The following HS3ST2 variants were observed in gnomAD, a reference collection of about 807,000 sequenced individuals.
The protein encoded by HS3ST2 is heparan sulfate-glucosamine 3-sulfotransferase 2.
Under a neutral mutation model 26.3 loss-of-function variants are expected in HS3ST2, and 17 were observed. That is an observed-to-expected ratio of 0.65 (90% CI 0.44 to 0.97). The LOEUF (loss-of-function observed/expected upper bound fraction) is 0.97, where lower values mean the gene tolerates loss of function less well. Among genes scored for constraint, HS3ST2 ranks in the 50% least tolerant of loss-of-function variants. The probability of loss-of-function intolerance (pLI) is 0.00; values close to 1 mark genes in which losing one functional copy is unlikely to be tolerated. For synonymous variants in HS3ST2, 237 were observed against 219.2 expected, an observed-to-expected ratio of 1.08 and a Z score of -0.72; for missense variants, 402 against 501.2, an observed-to-expected ratio of 0.80 and a Z score of 1.89.
intron 1 of HS3ST2, among the ~76,000 whole-genome samples, chr16:22,898,463 G>T (rs184485215): frequency 6.6e-6 from 1 of 152,162 alleles, no homozygotes; most frequent in African/African-American, 2.4e-5. Context: ...TTTGAAAGTG[G>T]TGATATTCTA....
At chr16:22,851,336 A>G (rs927388161) in intron 1 of HS3ST2, among the ~76,000 whole-genome samples, 2 of 152,168 alleles carry the variant, frequency 1.3e-5, no homozygotes, top group Non-Finnish European at 1.5e-5. Context: ...GCTCACATCA[A>G]CTCTGTTGGG....
chr16:22,848,400 T>C (rs1225453479), intron 1 of HS3ST2, among the ~76,000 whole-genome samples: 1 of 152,150 alleles, frequency 6.6e-6, no homozygotes, highest in Non-Finnish European at 1.5e-5. Context: ...TTTCCTGCAA[T>C]CCCCAACACA....
chr16:22,908,306 C>A (rs1289471328), intron 1 of HS3ST2, among the ~76,000 whole-genome samples: 5 of 152,086 alleles, frequency 3.3e-5, no homozygotes, highest in African/African-American at 9.7e-5. Flanking sequence ...CTTACTTGTG[C>A]CATGGATTGT....
chr16:22,857,193 C>G (rs1233040895), intron 1 of HS3ST2, among the ~76,000 whole-genome samples: 1 of 152,092 alleles, frequency 6.6e-6, no homozygotes, highest in Non-Finnish European at 1.5e-5. Context: ...TTTCCTGGTG[C>G]TGAGTATAGT....
At chr16:22,880,312 G>T (rs1410585654) in intron 1 of HS3ST2, among the ~76,000 whole-genome samples, 2 of 152,152 alleles carry the variant, frequency 1.3e-5, no homozygotes, top group African/African-American at 4.8e-5. Context: ...AGCTACATGG[G>T]AGGCTGAAAT....
intron 1 of HS3ST2, among the ~76,000 whole-genome samples, chr16:22,840,211 G>T (rs970292025): frequency 6.6e-6 from 1 of 152,168 alleles, no homozygotes; most frequent in Non-Finnish European, 1.5e-5. Context: ...CCTGATAAGG[G>T]TGGCCATAGG....
chr16:22,858,768 TG>T (rs1476623703), intron 1 of HS3ST2, among the ~76,000 whole-genome samples: 6 of 152,304 alleles, frequency 3.9e-5, no homozygotes, highest in Non-Finnish European at 7.4e-5. Context: ...GTTCCTTCAC[TG>T]GGCTTGTCTG....
At chr16:22,830,588 T>C (rs991702693) in intron 1 of HS3ST2, among the ~76,000 whole-genome samples, 1 of 152,192 alleles carries the variant, frequency 6.6e-6, no homozygotes, top group Non-Finnish European at 1.5e-5. Context: ...AAAGCTTTGA[T>C]GCAAATGGAG....
At chr16:22,823,364 G>A (rs1901029475) in intron 1 of HS3ST2, among the ~76,000 whole-genome samples, 1 of 152,124 alleles carries the variant, frequency 6.6e-6, no homozygotes, top group Admixed American at 6.5e-5. Flanking sequence ...AGGTAAAGAA[G>A]GAGAGATAAT....
intron 1 of HS3ST2, among the ~76,000 whole-genome samples, chr16:22,908,534 C>T (rs1470711534): frequency 1.3e-5 from 2 of 152,114 alleles, no homozygotes; most frequent in African/African-American, 2.4e-5. Context: ...CAAGAGGCTC[C>T]ATCTGGTGAG....
intron 1 of HS3ST2, among the ~76,000 whole-genome samples, chr16:22,895,214 C>T (rs544020544): frequency 3.4e-4 from 51 of 152,056 alleles, no homozygotes; most frequent in South Asian, 1.7e-3. Flanking sequence ...CTCAGCCTCC[C>T]GAGTAGCTGG....
chr16:22,870,696 A>G (rs555871117), intron 1 of HS3ST2, among the ~76,000 whole-genome samples: 76 of 151,732 alleles, frequency 5.0e-4, no homozygotes, highest in African/African-American at 1.7e-3. Context: ...CACCCGAAAT[A>G]TTTGCTCCTC....
intron 1 of HS3ST2, among the ~76,000 whole-genome samples, chr16:22,866,377 T>C (rs1320205472): frequency 2.7e-5 from 4 of 149,302 alleles, no homozygotes; most frequent in East Asian, 2.0e-4. Flanking sequence ...TGCGTGTGTG[T>C]GTGTGTGTGT....
At chr16:22,888,632 G>A (rs887014562) in intron 1 of HS3ST2, among the ~76,000 whole-genome samples, 2 of 151,966 alleles carry the variant, frequency 1.3e-5, no homozygotes, top group African/African-American at 2.4e-5. Flanking sequence ...TGATCCGCCC[G>A]CCTCGGCCTG....
intron 1 of HS3ST2, among the ~76,000 whole-genome samples, chr16:22,856,168 A>G (rs1037627026): frequency 6.6e-6 from 1 of 152,210 alleles, no homozygotes; most frequent in African/African-American, 2.4e-5. Context: ...CAGGGATTCC[A>G]TGTGAAACTG....
Position 22,815,008 on chromosome 16 carries a change from T to A in HS3ST2, c.398T>A (p.Phe133Tyr). The change falls in exon 1 of 2, where the codon TTT (phenylalanine) becomes TAT (tyrosine). Residue 133 changes from phenylalanine to tyrosine, a missense_variant. By Grantham distance (22) the Phe-to-Tyr change is conservative (BLOSUM62 3). Around this residue, in one of 2 missense-constraint regions of HS3ST2, gnomAD observed 237 missense variants for 346.6 expected, o/e 0.68. Coordinates refer to ENST00000261374, the MANE Select transcript of HS3ST2 (RefSeq NM_006043.2). Reference sequence around the variant, plus strand: ...GGGGGCACCCGGGCCGTGCTGGAGTTTATCCGAGTACACCCGGACGTGCGG... The same window carrying A: ...GGGGGCACCCGGGCCGTGCTGGAGTATATCCGAGTACACCCGGACGTGCGG... ...KKGGTRAVLE[F>Y]IRVHPDVRAL... The A allele has an allele frequency of 6.2e-7, 1 of 1,613,156 alleles. No individual in the cohort carries two copies. Among genetic ancestry groups the A allele is most frequent in the Non-Finnish European group, 8.5e-7 (1 of 1,180,008 alleles).
intron 1 of HS3ST2, among the ~76,000 whole-genome samples, chr16:22,861,423 G>A (rs1901672886): frequency 6.6e-6 from 1 of 151,790 alleles, no homozygotes; most frequent in South Asian, 2.1e-4. Flanking sequence ...GGAGTTTCTT[G>A]TTTCTGAGAG....
intron 1 of HS3ST2, among the ~76,000 whole-genome samples, chr16:22,861,605 T>C (rs921281817): frequency 2.0e-5 from 3 of 152,076 alleles, no homozygotes; most frequent in African/African-American, 7.2e-5. Flanking sequence ...TCAGAGACTT[T>C]TAGAGCACAG....
At chr16:22,890,064 A>G (rs1902109500) in intron 1 of HS3ST2, among the ~76,000 whole-genome samples, 1 of 152,192 alleles carries the variant, frequency 6.6e-6, no homozygotes, top group African/African-American at 2.4e-5. Context: ...TGTATCCTTC[A>G]TGACAATCTT....
Sources: allele counts gnomAD v4.1 joint callset (sites outside exome capture counted in the v4.1 genomes callset), GRCh38; gene constraint gnomAD v4.1.1; regional missense constraint gnomAD v4.1.1; transcripts MANE v1.5; gene names NCBI Gene and HGNC (gene_info 2026-07-23, HGNC 2026-07-21).